Variants in MYO18B observed in about 807,000 individuals in gnomAD.
MYO18B encodes the protein myosin XVIIIB.
MYO18B carries 204 observed loss-of-function variants against 273.0 expected under a neutral mutation model. The ratio of observed to expected loss-of-function variants is 0.75; its 90% CI spans 0.67 to 0.84. The LOEUF is 0.84. Ranked by LOEUF, MYO18B falls within the 40% of genes least tolerant of loss-of-function variation. MYO18B has a pLI of 0.00. For synonymous variants in MYO18B, 1,330 were observed against 1,305.7 expected, an observed-to-expected ratio of 1.02 and a Z score of -0.40; for missense variants, 3,212 against 3,287.6, an observed-to-expected ratio of 0.98 and a Z score of 0.56.
At chr22:25,785,566 G>A (rs895721882) in intron 11 of MYO18B, 75 bp downstream of exon 11, 9 of 1,472,386 alleles carry the variant, frequency 6.1e-6, no homozygotes, top group African/African-American at 4.2e-5. Flanking sequence ...GAGTCGCCGT[G>A]CAACTTGTCT....
chr22:25,866,314 C>A (rs1261459946), intron 21 of MYO18B, among the ~76,000 whole-genome samples: 1 of 152,094 alleles, frequency 6.6e-6, no homozygotes, highest in African/African-American at 2.4e-5. Flanking sequence ...CCAGGCACAA[C>A]CTGGGTTTAT....
chr22:25,793,038 G>T (rs1381191110), intron 11 of MYO18B, among the ~76,000 whole-genome samples: 1 of 152,190 alleles, frequency 6.6e-6, no homozygotes, highest in Non-Finnish European at 1.5e-5. Flanking sequence ...ATCAACTTGG[G>T]CAGCAATGGG....
At chr22:25,874,781 A>G (rs1341895727) in intron 23 of MYO18B, among the ~76,000 whole-genome samples, 1 of 152,186 alleles carries the variant, frequency 6.6e-6, no homozygotes, top group Non-Finnish European at 1.5e-5. Context: ...GCACTGACCC[A>G]TTTAGGGTCA....
chr22:25,796,128 C>A (rs567727217), intron 11 of MYO18B, among the ~76,000 whole-genome samples: 1 of 152,140 alleles, frequency 6.6e-6, no homozygotes, highest in Non-Finnish European at 1.5e-5. Context: ...TCCTTTCCAC[C>A]CAGCAGGCTT....
At chr22:26,057,888 AGGGAGG>A in the MYO18B span, among the ~76,000 whole-genome samples, 1 of 152,176 alleles carries the variant, frequency 6.6e-6, no homozygotes, top group Non-Finnish European at 1.5e-5. Flanking sequence ...CACCTATCAG[AGGGAGG>A]GCAGATAAGT....
chr22:25,872,260 G>A (rs1302929159), intron 22 of MYO18B, among the ~76,000 whole-genome samples: 1 of 152,136 alleles, frequency 6.6e-6, no homozygotes, highest in Non-Finnish European at 1.5e-5. Context: ...AGGGTTTAGG[G>A]TAATGGAGAA....
At chr22:25,768,085 A>G (rs756926853) in intron 3 of MYO18B, 30 bp from the exon 4 acceptor site, 8 of 1,536,542 alleles carry the variant, frequency 5.2e-6, no homozygotes, top group East Asian at 4.5e-5. Flanking sequence ...GCAAGCAGCT[A>G]TGTAGGCATG....
intron 42 of MYO18B, among the ~76,000 whole-genome samples, chr22:26,005,919 G>T: frequency 6.6e-6 from 1 of 152,280 alleles, no homozygotes; most frequent in East Asian, 1.9e-4. Context: ...TCAAAGACAG[G>T]CTCCAAGAAT....
At chr22:26,012,246 A>G (rs1380687997) in intron 42 of MYO18B, among the ~76,000 whole-genome samples, 2 of 152,342 alleles carry the variant, frequency 1.3e-5, no homozygotes, top group Admixed American at 6.5e-5. Flanking sequence ...TTAATTATGG[A>G]TATGTGAATA....
intron 39 of MYO18B, among the ~76,000 whole-genome samples, chr22:25,985,040 A>G (rs1486030762): frequency 1.3e-5 from 2 of 152,244 alleles, no homozygotes; most frequent in Non-Finnish European, 2.9e-5. Context: ...CCAACTTTTA[A>G]TCTGTCACTT....
chr22:25,978,007 T>A (rs991543685), intron 39 of MYO18B, among the ~76,000 whole-genome samples: 4 of 152,136 alleles, frequency 2.6e-5, no homozygotes, highest in African/African-American at 9.7e-5. Context: ...AAGTTATGAA[T>A]TTAGGGCAGG....
chr22:25,831,273 A>G (rs145877598), intron 15 of MYO18B, among the ~76,000 whole-genome samples: 47 of 152,330 alleles, frequency 3.1e-4, no homozygotes, highest in African/African-American at 1.1e-3. Flanking sequence ...ATCTGATTGT[A>G]TTCCCTCTCC....
In MYO18B at chr22:25,763,706, G is replaced by A. The variant is rs534563511; in HGVS notation, c.198+317G>A. 5.9e-5 allele frequency among the ~76,000 whole-genome samples: 9 copies of A among 152,298 alleles called. No individual in the cohort carries two copies. In the South Asian group the frequency reaches 1.9e-3, roughly 32 times the overall value. ...TTATTTGACTAGAAATTCCTTAAGA[G>A]CAACAATGATTTCTCTCATTCAATT... On this transcript the variant is annotated intron_variant, in intron 3 of 43. Coordinates refer to ENST00000335473, the MANE Select transcript of MYO18B (RefSeq NM_032608.7).
the MYO18B span, among the ~76,000 whole-genome samples, chr22:26,050,257 C>T: frequency 1.3e-5 from 2 of 152,156 alleles, no homozygotes; most frequent in Admixed American, 6.5e-5. Flanking sequence ...CTCACAGATG[C>T]ACTGACAGTG....
chr22:25,778,790 C>T (rs1358865162), intron 8 of MYO18B, among the ~76,000 whole-genome samples: 1 of 57,402 alleles, frequency 1.7e-5, no homozygotes, highest in Non-Finnish European at 3.6e-5. Context: ...CTGTGCCCAA[C>T]CTGAACTTTT....
At chr22:25,817,197 C>G (rs1293914893) in intron 12 of MYO18B, among the ~76,000 whole-genome samples, 1 of 148,568 alleles carries the variant, frequency 6.7e-6, no homozygotes, top group Non-Finnish European at 1.5e-5. Context: ...TCCCTTCCTC[C>G]CTTTTTCTTT....
At chr22:25,862,652 C>G (rs1198891835) in intron 21 of MYO18B, among the ~76,000 whole-genome samples, 1 of 152,206 alleles carries the variant, frequency 6.6e-6, no homozygotes, top group Non-Finnish European at 1.5e-5. Context: ...TGTAATCTCA[C>G]TGCATTCTGG....
intron 12 of MYO18B, among the ~76,000 whole-genome samples, chr22:25,817,282 C>G: frequency 6.6e-6 from 1 of 150,876 alleles, no homozygotes; most frequent in South Asian, 2.1e-4. Flanking sequence ...CTCTTTGTCT[C>G]TCTTTCTGTC....
chr22:25,972,340 A>T (rs1414760222), intron 39 of MYO18B, among the ~76,000 whole-genome samples: 1 of 152,142 alleles, frequency 6.6e-6, no homozygotes, highest in Non-Finnish European at 1.5e-5. Context: ...CATTATGTAT[A>T]GCTTGTATTT....
Sources: allele counts gnomAD v4.1 joint callset (sites outside exome capture counted in the v4.1 genomes callset), GRCh38; gene constraint gnomAD v4.1.1; transcripts MANE v1.5; gene names NCBI Gene and HGNC (gene_info 2026-07-23, HGNC 2026-07-21).